MGAT4D: variants seen among roughly 807,000 people sequenced by gnomAD.
The protein encoded by MGAT4D is alpha-1,3-mannosyl-glycoprotein 4-beta-N-acetylglucosaminyltransferase-like protein MGAT4D.
Under a neutral mutation model 15.9 loss-of-function variants are expected in MGAT4D, and 34 were observed. That is an observed-to-expected ratio of 2.14 (90% confidence interval 1.62 to 2.84). The LOEUF is 2.84. Ranked by LOEUF, MGAT4D falls within the 30% of genes most tolerant of loss-of-function variation. MGAT4D has a pLI of 0.00. For missense variants in MGAT4D, 327 were observed against 140.2 expected, an observed-to-expected ratio of 2.33 and a Z score of -6.73; for synonymous variants, 112 against 48.2, an observed-to-expected ratio of 2.33 and a Z score of -5.49.
chr4:140,461,409 T>G (rs1008179160), intron 7 of MGAT4D, among the ~76,000 whole-genome samples: 4 of 152,196 alleles, frequency 2.6e-5, no homozygotes, highest in African/African-American at 9.6e-5. Flanking sequence ...ACAACATTAT[T>G]ATTTAACAAT....
At chr4:140,452,615 T>C (rs1730542758) in intron 9 of MGAT4D, among the ~76,000 whole-genome samples, 2 of 152,162 alleles carry the variant, frequency 1.3e-5, no homozygotes, top group Non-Finnish European at 2.9e-5. Context: ...TTTTAAAAAT[T>C]GAGTTGCTTA....
At chr4:140,493,236 A>T (rs1021588260) in intron 1 of MGAT4D, among the ~76,000 whole-genome samples, 8 of 146,556 alleles carry the variant, frequency 5.5e-5, no homozygotes, top group Admixed American at 4.1e-4. Flanking sequence ...ACCCCATCTC[A>T]TGATGATACT....
Position 140,442,901 on chromosome 4 carries a change from A to C in MGAT4D, c.*535T>G, listed in dbSNP as rs1211247572. On this transcript the variant is annotated 3_prime_UTR_variant, in exon 11 of 11. Coordinates refer to ENST00000511113, the MANE Select transcript of MGAT4D (RefSeq NM_001277353.2). The stretch of plus-strand genomic sequence containing the variant: ...ATCTTTAGAACTAAATGACTATAAG[A>C]ATACATATATATCAAGATGTTTGAT... 1 of 152,192 alleles carries C rather than the reference A, an allele frequency of 6.6e-6. No homozygotes were observed. The highest frequency in any genetic ancestry group is 2.4e-5 in the African/African-American group (1 of 41,456). 9.4% of individuals were successfully genotyped at this position (152,192 alleles called of 1,614,324 possible).
chr4:140,469,702 C>T (rs1361111794), intron 5 of MGAT4D, among the ~76,000 whole-genome samples: 1 of 152,156 alleles, frequency 6.6e-6, no homozygotes, highest in Non-Finnish European at 1.5e-5. Flanking sequence ...GCTGTGTATC[C>T]TGTAAACTGA....
intron 8 of MGAT4D, chr4:140,458,171 T>C (rs887975138): frequency 6.6e-6 from 1 of 152,222 alleles, no homozygotes; most frequent in African/African-American, 2.4e-5. Flanking sequence ...AGGGGACATA[T>C]ATGTCACTTC....
At position 140,475,046 on chromosome 4, in the gene MGAT4D, G is replaced by A. The variant is rs553822410; in HGVS notation, c.392-100C>T. 3.5e-5 allele frequency: 15 copies of A among 428,914 alleles called. 1 individual carries two copies. The highest frequency in any genetic ancestry group is 1.6e-4 in the African/African-American group (8 of 49,060). The allele number at this position is 428,914 out of a possible 1,614,324, so 26.6% of individuals were successfully genotyped here. A position where few individuals can be genotyped will look rare whatever the true frequency, so the allele number is the denominator to read the frequency against. On this transcript the variant is annotated intron_variant, in intron 3 of 10. Transcript: ENST00000511113. ...ATTCCTATGTTTGGGTTAGTCTTACGGTAACAAAATGAGTGTTTGAAACTG... is the reference window on the plus strand; with the variant it reads ...ATTCCTATGTTTGGGTTAGTCTTACAGTAACAAAATGAGTGTTTGAAACTG...
chr4:140,498,282 G>A lies in MGAT4D; in HGVS notation c.-60C>T, dbSNP rs777404866. 1.4e-6 allele frequency: 1 copy of A among 692,572 alleles called. No homozygotes were observed. Among genetic ancestry groups the A allele is most frequent in the Non-Finnish European group, 2.6e-6 (1 of 379,552 alleles). 42.9% of individuals were successfully genotyped at this position (692,572 alleles called of 1,614,324 possible). A position where few individuals can be genotyped will look rare whatever the true frequency, so the allele number is the denominator to read the frequency against. ...AGGCGGCGGATAATGCCAGGGACGG[G>A]GTTGAGCGCGCAGAGCCCCCTCCCC... On this transcript the variant is annotated 5_prime_UTR_variant, in exon 1 of 11. Coordinates refer to ENST00000511113, the MANE Select transcript of MGAT4D (RefSeq NM_001277353.2).
At chr4:140,459,190 GA>G (rs2126715203) in intron 8 of MGAT4D, 1 of 158,390 alleles carries the variant, frequency 6.3e-6, no homozygotes, top group African/African-American at 2.4e-5. Flanking sequence ...TTGTAAAGCA[GA>G]GAAAAGTACA....
chr4:140,472,077 T>C (rs1296836286), intron 4 of MGAT4D, among the ~76,000 whole-genome samples: 5 of 152,030 alleles, frequency 3.3e-5, no homozygotes, highest in Non-Finnish European at 5.9e-5. Flanking sequence ...TACCCTTAAA[T>C]TTATATACTT....
chr4:140,493,531 G>A (rs1402560586), intron 1 of MGAT4D, among the ~76,000 whole-genome samples: 3 of 151,888 alleles, frequency 2.0e-5, no homozygotes, highest in Admixed American at 6.6e-5. Flanking sequence ...TCCTGACCTC[G>A]TGATCTGCCC....
At chr4:140,449,492 G>A (rs1334036056) in intron 10 of MGAT4D, among the ~76,000 whole-genome samples, 1 of 152,150 alleles carries the variant, frequency 6.6e-6, no homozygotes, top group Non-Finnish European at 1.5e-5. Context: ...AGGCATGATG[G>A]CTCACACCTG....
chr4:140,485,619 C>T (rs1402240831), intron 1 of MGAT4D, among the ~76,000 whole-genome samples: 2 of 149,574 alleles, frequency 1.3e-5, no homozygotes, highest in Non-Finnish European at 3.0e-5. Flanking sequence ...ACGCAGCAAT[C>T]CCACTGTTGG....
intron 10 of MGAT4D, chr4:140,449,888 C>A (rs1730365620): frequency 5.0e-6 from 1 of 198,230 alleles, no homozygotes; most frequent in Admixed American, 6.0e-5. Context: ...AAAAGTTGAA[C>A]ATTCATAGAA....
chr4:140,480,517 C>T (rs570343231), intron 2 of MGAT4D, among the ~76,000 whole-genome samples: 1 of 152,082 alleles, frequency 6.6e-6, no homozygotes, highest in South Asian at 2.1e-4. Flanking sequence ...ATTAAAAATG[C>T]TTGCCCCCTG....
chr4:140,449,310 A>T (rs1156951186), intron 10 of MGAT4D, among the ~76,000 whole-genome samples: 1 of 152,244 alleles, frequency 6.6e-6, no homozygotes, highest in African/African-American at 2.4e-5. Flanking sequence ...GCAAATTTCA[A>T]AAAATTTAAA....
chr4:140,488,337 A>T (rs895796389), intron 1 of MGAT4D, among the ~76,000 whole-genome samples: 4 of 152,240 alleles, frequency 2.6e-5, no homozygotes, highest in African/African-American at 9.6e-5. Context: ...TGTGGTAGGT[A>T]AATAAACATG....
At chr4:140,481,747 G>A (rs1732748297) in intron 2 of MGAT4D, among the ~76,000 whole-genome samples, 1 of 152,216 alleles carries the variant, frequency 6.6e-6, no homozygotes, top group Non-Finnish European at 1.5e-5. Context: ...TCTGGAAATG[G>A]CAAAGCAATA....
intron 8 of MGAT4D, chr4:140,458,349 G>GTTGCC (rs1232180362): frequency 6.6e-6 from 1 of 152,170 alleles, no homozygotes; most frequent in Non-Finnish European, 1.5e-5. Context: ...AAAACGTGTG[G>GTTGCC]TTGCCTTGCC....
chr4:140,485,193 C>T (rs964535172), intron 1 of MGAT4D, among the ~76,000 whole-genome samples: 16 of 152,258 alleles, frequency 1.1e-4, no homozygotes, highest in Middle Eastern at 3.4e-3. Flanking sequence ...AAATGTGGCA[C>T]ATATACACCA....
Sources: allele counts gnomAD v4.1 joint callset (sites outside exome capture counted in the v4.1 genomes callset), GRCh38; gene constraint gnomAD v4.1.1; transcripts MANE v1.5; gene names NCBI Gene and HGNC (gene_info 2026-07-23, HGNC 2026-07-21).